The following KCTD13 variants were observed in gnomAD, a reference collection of about 807,000 sequenced individuals.
KCTD13 encodes the protein BTB/POZ domain-containing adapter for CUL3-mediated RhoA degradation protein 1.
In KCTD13, 15 loss-of-function variants were observed where a neutral mutation model predicts 32.3. The observed-to-expected ratio is 0.46, with a 90% CI of 0.31 to 0.71. The LOEUF is 0.71. Among genes scored for constraint, KCTD13 ranks in the 30% least tolerant of loss-of-function variants. KCTD13 has a pLI of 0.05. For synonymous variants in KCTD13, 189 were observed against 200.1 expected (o/e 0.94, Z 0.47); for missense variants, 337 against 452.6 (o/e 0.74, Z 2.32).
intron 2 of KCTD13, among the ~76,000 whole-genome samples, chr16:29,919,123 G>A (rs905525053): frequency 6.6e-6 from 1 of 152,140 alleles, no homozygotes; most frequent in African/African-American, 2.4e-5. Context: ...CTACAGTCTG[G>A]TTTACAGGAA....
At chr16:29,913,285 G>C (rs1448985931) in intron 2 of KCTD13, 1 of 152,056 alleles carries the variant, frequency 6.6e-6, no homozygotes, top group Non-Finnish European at 1.5e-5. Flanking sequence ...GGCCGACCCT[G>C]CCAGATATTA....
chr16:29,906,975 T>A lies in KCTD13; in HGVS notation c.887A>T (p.Glu296Val), dbSNP rs200060680. The A allele has an allele frequency of 5.6e-6, 9 of 1,614,048 alleles. No individual in the cohort carries two copies. The highest frequency in any genetic ancestry group is 7.6e-6 in the Non-Finnish European group (9 of 1,180,020). Residue 296 changes from glutamate (E) to valine (V), a missense_variant, in exon 6 of 6, where the codon GAG (glutamate) becomes GTG (valine). This residue lies in a region of KCTD13 where 252 missense variants were observed against 340.2 expected (regional missense o/e 0.74). Transcript: ENST00000568000. ...ACGGTGCTCTCGGTTCTCTTCATCC[T>A]CCCCGCGGCCAGCCCCACCAGCTCC... ...AAGAGGAGRG[E>V]DEENREHRVR...
At chr16:29,912,720 G>A (rs954276162) in intron 2 of KCTD13, among the ~76,000 whole-genome samples, 4 of 152,220 alleles carry the variant, frequency 2.6e-5, no homozygotes, top group African/African-American at 9.6e-5. Context: ...GATTACAGGC[G>A]TGAGCCACTG....
Position 29,923,364 on chromosome 16 carries a change from T to A in KCTD13, c.245-5A>T, listed in dbSNP as rs200830308. ...TCCGGTCAATCAGCACCCAACCTAGTGGGGTGGGGAGAGGCAGGGGGAAAG... is the reference window on the plus strand; with the variant it reads ...TCCGGTCAATCAGCACCCAACCTAGAGGGGTGGGGAGAGGCAGGGGGAAAG... On this transcript the variant is annotated splice_polypyrimidine_tract_variant and splice_region_variant and intron_variant, in intron 1 of 5. Coordinates refer to ENST00000568000, the MANE Select transcript of KCTD13 (RefSeq NM_178863.5). The A allele has an allele frequency of 6.2e-7, 1 of 1,612,666 alleles. No individual in the cohort carries two copies. The highest frequency in any genetic ancestry group is 1.3e-5 in the African/African-American group (1 of 74,880).
intron 4 of KCTD13, 43 bp from the exon 5 acceptor site, chr16:29,911,216 C>G (rs1234234998): frequency 1.3e-6 from 2 of 1,494,138 alleles, no homozygotes; most frequent in Non-Finnish European, 1.9e-6. Flanking sequence ...AGTTGGCACC[C>G]CTCCCTCTGT....
intron 2 of KCTD13, chr16:29,914,462 G>A (rs1399024412): frequency 6.9e-6 from 1 of 144,832 alleles, no homozygotes; most frequent in Non-Finnish European, 1.5e-5. Flanking sequence ...TTGAAATGGA[G>A]TCTTGCTCTG....
In KCTD13 at chr16:29,926,166, T is replaced by C. The variant is rs879174712; in HGVS notation, c.-133A>G. On this transcript the variant is annotated 5_prime_UTR_variant, in exon 1 of 6. Coordinates refer to ENST00000568000, the MANE Select transcript of KCTD13 (RefSeq NM_178863.5). ...ACACGCCCACTCACCGCAGCTACTC[T>C]GCAAGACCGGCCCTCCGCCCCATCT... 3.8e-6 allele frequency: 4 copies of C among 1,056,912 alleles called. No individual in the cohort carries two copies. Among genetic ancestry groups the C allele is most frequent in the South Asian group, 4.0e-5 (2 of 49,652 alleles). The allele number at this position is 1,056,912 out of a possible 1,614,324, so 65.5% of individuals were successfully genotyped here.
At position 29,906,698 on chromosome 16, in the gene KCTD13, G is replaced by T; in HGVS notation, c.*174C>A. On this transcript the variant is annotated 3_prime_UTR_variant, in exon 6 of 6. Transcript: ENST00000568000. The stretch of plus-strand genomic sequence containing the variant: ...GGGGCCGGAATGTACCATGTTGTTA[G>T]CAATGGGGTTGGGATGGGTGGAGAA... 1.5e-6 allele frequency: 1 copy of T among 686,852 alleles called. No individual in the cohort carries two copies. 42.5% of individuals were successfully genotyped at this position (686,852 alleles called of 1,614,324 possible).
intron 2 of KCTD13, chr16:29,922,901 T>C: frequency 2.2e-6 from 1 of 454,532 alleles, no homozygotes; most frequent in Non-Finnish European, 3.9e-6. Context: ...GGGGTTGTGC[T>C]GAAAGATAAT....
chr16:29,917,553 G>A (rs1212951028), intron 2 of KCTD13, among the ~76,000 whole-genome samples: 3 of 151,992 alleles, frequency 2.0e-5, no homozygotes, highest in African/African-American at 7.2e-5. Flanking sequence ...AGACCAAGGC[G>A]GGCGGATCAC....
intron 1 of KCTD13, chr16:29,925,545 G>T (rs544425323): frequency 4.1e-5 from 23 of 566,434 alleles, no homozygotes; most frequent in African/African-American, 4.0e-4. Flanking sequence ...TTACCACAGC[G>T]CCTGGCAGTT....
chr16:29,913,178 A>G (rs1472921287), intron 2 of KCTD13: 1 of 141,184 alleles, frequency 7.1e-6, no homozygotes, highest in East Asian at 2.0e-4. Context: ...GGCTGAGTGC[A>G]GTGGCATGAC....
chr16:29,923,234 AG>A lies in KCTD13; in HGVS notation c.369del (p.Tyr124ThrfsTer6), dbSNP rs775994003. The part of the protein sequence containing the change: ...ELGELLGEAR[Y>X]YLVQGLIEDC... ...TCCTCAATCAGGCCCTGCACCAGGT[AG>A]TAGCGTGCTTCGCCCAGCAGCTCCC... On this transcript the variant is annotated frameshift_variant, in exon 2 of 6. Transcript: ENST00000568000. LOFTEE classifies it high-confidence loss of function. 23 of 1,614,228 alleles carry A rather than the reference AG, an allele frequency of 1.4e-5. No individual in the cohort carries two copies. Among genetic ancestry groups the A allele is most frequent in the Non-Finnish European group, 1.9e-5 (22 of 1,180,042 alleles).
intron 5 of KCTD13, among the ~76,000 whole-genome samples, chr16:29,907,479 G>C (rs2068633366): frequency 6.6e-6 from 1 of 152,128 alleles, no homozygotes; most frequent in Admixed American, 6.6e-5. Context: ...GGAGGACTCA[G>C]TCATACACTT....
intron 2 of KCTD13, among the ~76,000 whole-genome samples, chr16:29,916,853 C>T (rs1203127437): frequency 6.6e-6 from 1 of 152,172 alleles, no homozygotes; most frequent in Non-Finnish European, 1.5e-5. Flanking sequence ...GAAGGTTTGC[C>T]TGGGCCTAGA....
At chr16:29,925,298 T>G (rs955630491) in intron 1 of KCTD13, among the ~76,000 whole-genome samples, 1 of 151,968 alleles carries the variant, frequency 6.6e-6, no homozygotes, top group Admixed American at 6.6e-5. Flanking sequence ...ATTCCTAGAG[T>G]GTACAGGGAC....
chr16:29,906,809 G>A lies in KCTD13; in HGVS notation c.*63C>T. ...CAGAGCCGGGGCAAAAGTCTGGGAA[G>A]GGGAGGGAAAGAGAGAGGGACTGGG... On this transcript the variant is annotated 3_prime_UTR_variant, in exon 6 of 6. Transcript: ENST00000568000. 5 of 1,441,634 alleles carry A rather than the reference G, an allele frequency of 3.5e-6. No individual in the cohort carries two copies. The highest frequency in any genetic ancestry group is 4.8e-6 in the Non-Finnish European group (5 of 1,035,788). The allele number at this position is 1,441,634 out of a possible 1,614,324, so 89.3% of individuals were successfully genotyped here.
intron 5 of KCTD13, among the ~76,000 whole-genome samples, chr16:29,909,215 T>C (rs533664211): frequency 1.3e-5 from 2 of 152,106 alleles, no homozygotes; most frequent in Non-Finnish European, 2.9e-5. Context: ...GATAAAACAC[T>C]GTCTTTAGCT....
intron 1 of KCTD13, among the ~76,000 whole-genome samples, chr16:29,924,712 A>G (rs935937618): frequency 1.3e-5 from 2 of 148,796 alleles, no homozygotes; most frequent in Admixed American, 6.7e-5. Flanking sequence ...GGACAAATGA[A>G]TTCTTCCCTT....
Sources: gnomAD v4.1 joint callset for allele counts (sites outside exome capture counted in the v4.1 genomes callset) on GRCh38, gnomAD v4.1.1 for gene constraint, gnomAD v4.1.1 regional missense constraint, MANE v1.5 for transcripts, NCBI Gene and HGNC (gene_info 2026-07-23, HGNC 2026-07-21) for gene names.